The following PLXDC2 variants were observed in gnomAD, a reference collection of about 807,000 sequenced individuals.
The protein encoded by PLXDC2 is plexin domain-containing protein 2.
Under a neutral mutation model 68.9 loss-of-function variants are expected in PLXDC2, and 40 were observed. That is an observed-to-expected ratio of 0.58 (90% CI 0.45 to 0.76). The LOEUF is 0.76. Among genes scored for constraint, PLXDC2 ranks in the 30% least tolerant of loss-of-function variants. PLXDC2 has a pLI of 0.00. For synonymous variants in PLXDC2, 243 were observed against 234.2 expected (o/e 1.04, Z -0.34); for missense variants, 644 against 661.9 (o/e 0.97, Z 0.30).
intron 4 of PLXDC2, among the ~76,000 whole-genome samples, chr10:20,119,553 G>A (rs1055133750): frequency 6.7e-4 from 98 of 146,182 alleles, no homozygotes; most frequent in Non-Finnish European, 1.2e-3. Context: ...GGATGTGTAC[G>A]TGCAGGTCAC....
chr10:20,235,681 C>G (rs1298698654), intron 12 of PLXDC2, among the ~76,000 whole-genome samples: 3 of 152,132 alleles, frequency 2.0e-5, no homozygotes, highest in Admixed American at 2.0e-4. Flanking sequence ...GTGGTTTAGA[C>G]ACAGATCTGT....
intron 1 of PLXDC2, among the ~76,000 whole-genome samples, chr10:19,985,177 A>G (rs1386404557): frequency 6.6e-6 from 1 of 152,218 alleles, no homozygotes; most frequent in Non-Finnish European, 1.5e-5. Flanking sequence ...ATTTCTGGTA[A>G]GATATGGACC....
chr10:19,902,134 G>T (rs1285640512), intron 1 of PLXDC2, among the ~76,000 whole-genome samples: 1 of 152,020 alleles, frequency 6.6e-6, no homozygotes, highest in African/African-American at 2.4e-5. Context: ...TTTTTGCTCA[G>T]TCTTGCTTTG....
At position 20,192,105 on chromosome 10, in the gene PLXDC2, G is replaced by A. The variant is rs563603900; in HGVS notation, c.1061+14696G>A. ...ATTAGGAAGGTGGTAAAGCTTACCC[G>A]AGGTTATGAAACTAGGAACTGGTGG... On this transcript the variant is annotated intron_variant, in intron 9 of 13. Coordinates refer to ENST00000377252, the MANE Select transcript of PLXDC2 (RefSeq NM_032812.9). 1.3e-3 allele frequency among the ~76,000 whole-genome samples: 200 copies of A among 152,042 alleles called. 1 individual carries two copies. Among genetic ancestry groups the A allele is most frequent in the African/African-American group, 3.8e-3 (158 of 41,520 alleles).
chr10:20,187,075 C>A (rs763399147), intron 9 of PLXDC2, among the ~76,000 whole-genome samples: 5 of 149,882 alleles, frequency 3.3e-5, no homozygotes, highest in Admixed American at 6.7e-5. Flanking sequence ...TCAAAAGATT[C>A]AAAAAAAAAT....
chr10:20,270,024 A>AAATAC (rs1465884242), intron 13 of PLXDC2, among the ~76,000 whole-genome samples: 9 of 139,222 alleles, frequency 6.5e-5, no homozygotes, highest in African/African-American at 1.4e-4. Flanking sequence ...TCAAAAAATA[A>AAATAC]AATAAAATAA....
At chr10:19,921,218 G>A (rs1436788806) in intron 1 of PLXDC2, among the ~76,000 whole-genome samples, 2 of 151,608 alleles carry the variant, frequency 1.3e-5, no homozygotes, top group Non-Finnish European at 2.9e-5. Flanking sequence ...TTAAAAGCAG[G>A]ACTTTGGTTT....
intron 4 of PLXDC2, among the ~76,000 whole-genome samples, chr10:20,102,268 A>C (rs774424943): frequency 6.6e-6 from 1 of 152,198 alleles, no homozygotes; most frequent in Admixed American, 6.5e-5. Context: ...CCTAGACAAC[A>C]TCTTACATAT....
chr10:19,956,242 T>C (rs1299985812), intron 1 of PLXDC2, among the ~76,000 whole-genome samples: 1 of 152,156 alleles, frequency 6.6e-6, no homozygotes, highest in Non-Finnish European at 1.5e-5. Context: ...ACTGGAAATA[T>C]TAGTGAAAGA....
At chr10:19,920,353 C>T (rs1307546593) in intron 1 of PLXDC2, among the ~76,000 whole-genome samples, 1 of 152,218 alleles carries the variant, frequency 6.6e-6, no homozygotes, top group Non-Finnish European at 1.5e-5. Context: ...ACCAACCTGG[C>T]CTGCCACACC....
intron 1 of PLXDC2, among the ~76,000 whole-genome samples, chr10:19,835,502 A>G (rs536317257): frequency 5.3e-5 from 8 of 152,190 alleles, no homozygotes; most frequent in Non-Finnish European, 1.0e-4. Flanking sequence ...GAAGACAGCA[A>G]CTCTCCCAGG....
chr10:19,879,077 C>G (rs1472265572), intron 1 of PLXDC2, among the ~76,000 whole-genome samples: 1 of 152,110 alleles, frequency 6.6e-6, no homozygotes, highest in African/African-American at 2.4e-5. Context: ...GTATCATTAG[C>G]CAGTGAATCA....
At chr10:20,195,674 T>C (rs1407171367) in intron 9 of PLXDC2, among the ~76,000 whole-genome samples, 1 of 152,164 alleles carries the variant, frequency 6.6e-6, no homozygotes, top group Non-Finnish European at 1.5e-5. Flanking sequence ...TGTAGTAAAC[T>C]AATAAATTAG....
intron 1 of PLXDC2, among the ~76,000 whole-genome samples, chr10:19,854,649 A>T (rs955477176): frequency 2.6e-5 from 4 of 152,104 alleles, no homozygotes; most frequent in Admixed American, 6.5e-5. Flanking sequence ...AAGCGAAGTT[A>T]AAAAAAACCT....
intron 13 of PLXDC2, among the ~76,000 whole-genome samples, chr10:20,262,151 C>A (rs1369112062): frequency 1.3e-5 from 2 of 152,120 alleles, no homozygotes; most frequent in African/African-American, 4.8e-5. Context: ...AGGGGATCCT[C>A]CCCAACCCAG....
intron 12 of PLXDC2, among the ~76,000 whole-genome samples, chr10:20,238,871 A>G (rs1431615251): frequency 6.6e-6 from 1 of 151,394 alleles, no homozygotes; most frequent in Non-Finnish European, 1.5e-5. Context: ...TCTGCATTTC[A>G]TAAAGTGTTG....
intron 2 of PLXDC2, among the ~76,000 whole-genome samples, chr10:20,028,853 A>G (rs1835452226): frequency 6.6e-6 from 1 of 152,152 alleles, no homozygotes; most frequent in Non-Finnish European, 1.5e-5. Context: ...TGTTCCTTCT[A>G]AGTCCACATT....
chr10:20,238,671 A>ATG (rs1564363459), intron 12 of PLXDC2, among the ~76,000 whole-genome samples: 37 of 127,450 alleles, frequency 2.9e-4, no homozygotes, highest in African/African-American at 1.1e-3. Context: ...AAATATATAT[A>ATG]TATATGTATA....
intron 1 of PLXDC2, among the ~76,000 whole-genome samples, chr10:19,867,308 A>C (rs568879324): frequency 7.2e-5 from 11 of 152,020 alleles, no homozygotes; most frequent in African/African-American, 2.7e-4. Flanking sequence ...CAGGTGATCC[A>C]CCAGCCTCAG....
Sources: gnomAD v4.1 joint callset for allele counts (sites outside exome capture counted in the v4.1 genomes callset) on GRCh38, gnomAD v4.1.1 for gene constraint, MANE v1.5 for transcripts, NCBI Gene and HGNC (gene_info 2026-07-23, HGNC 2026-07-21) for gene names.